MARK2: variants seen among roughly 807,000 people sequenced by gnomAD.
The protein encoded by MARK2 is microtubule affinity regulating kinase 2.
MARK2 carries 16 observed loss-of-function variants against 89.8 expected under a neutral mutation model. The observed-to-expected ratio is 0.18, with a 90% CI of 0.12 to 0.27. The LOEUF is 0.27. MARK2 is among the 10% of genes least tolerant of loss of function. The probability of loss-of-function intolerance (pLI) is 1.00; values close to 1 mark genes in which losing one functional copy is unlikely to be tolerated. For synonymous variants in MARK2, 382 were observed against 399.5 expected (o/e 0.96, Z 0.52); for missense variants, 621 against 1,049.9 (o/e 0.59, Z 5.65).
chr11:63,859,535 G>T (rs923019408), intron 1 of MARK2, among the ~76,000 whole-genome samples: 7 of 152,028 alleles, frequency 4.6e-5, no homozygotes, highest in Non-Finnish European at 7.4e-5. Context: ...TGGCCAGGCT[G>T]GTCTTGAATT....
At chr11:63,895,549 G>A (rs1565133971) in intron 2 of MARK2, 31 bp from the exon 3 acceptor site, 1 of 1,603,666 alleles carries the variant, frequency 6.2e-7, no homozygotes, top group Non-Finnish European at 8.5e-7. Context: ...GGTCAGAGAA[G>A]TGATTTGGGG....
At position 63,839,429 on chromosome 11, in the gene MARK2, C is replaced by A. The variant is rs1460222187; in HGVS notation, c.-78C>A. ...CGGGTGCTCCTGCTGTGAGAAGCCC[C>A]GCCCGGCCGGGCTCCGCGCCTTCCC... On this transcript the variant is annotated 5_prime_UTR_variant, in exon 1 of 19. Coordinates refer to ENST00000402010, the MANE Select transcript of MARK2 (RefSeq NM_001039469.3). The A allele has an allele frequency of 2.2e-6, 2 of 895,824 alleles. No homozygotes were observed. The highest frequency in any genetic ancestry group is 3.5e-6 in the Non-Finnish European group (2 of 571,416). 55.5% of individuals were successfully genotyped at this position (895,824 alleles called of 1,614,324 possible).
chr11:63,900,470 C>A lies in MARK2; in HGVS notation c.769-89C>A. 1 of 1,464,780 alleles carries A rather than the reference C, an allele frequency of 6.8e-7. No homozygotes were observed. Among genetic ancestry groups the A allele is most frequent in the Non-Finnish European group, 9.3e-7 (1 of 1,071,610 alleles). The allele number at this position is 1,464,780 out of a possible 1,614,324, so 90.7% of individuals were successfully genotyped here. On this transcript the variant is annotated intron_variant, in intron 8 of 18. Transcript: ENST00000402010. This position sits in a 1 kb window ranked among gnomAD's most constrained non-coding sequence, Gnocchi z 4.7. ...CATATTTCATTTATGTCTGCTTTGC[C>A]AGGCTTAAGCTCTCAGGATCTTGGA... is the stretch of plus-strand genomic sequence containing the variant.
chr11:63,883,106 A>G (rs1013142146), intron 1 of MARK2, among the ~76,000 whole-genome samples: 3 of 152,168 alleles, frequency 2.0e-5, no homozygotes, highest in Non-Finnish European at 4.4e-5. Flanking sequence ...TGGCAGTGTG[A>G]GCTTCCCTCA....
chr11:63,895,428 CTTG>C, intron 2 of MARK2, 90 bp downstream of exon 2: 1 of 1,478,146 alleles, frequency 6.8e-7, no homozygotes, highest in East Asian at 2.3e-5. Flanking sequence ...CAGCCAACCT[CTTG>C]TTTATCCGGC....
rs1941007945 is a variant in MARK2, at chr11:63,902,801, T to G, written c.1416+19T>G. On this transcript the variant is annotated intron_variant, in intron 13 of 18. Transcript: ENST00000402010. The surrounding 1 kb of genome is among the most constrained non-coding windows in gnomAD (Gnocchi z 4.2). Reference sequence around the variant, plus strand: ...CTCCACGGTGAGCCGCACCCCCCGCTCTCTCCTTCCTTCCTGCGGTGGGGC... The same window carrying G: ...CTCCACGGTGAGCCGCACCCCCCGCGCTCTCCTTCCTTCCTGCGGTGGGGC... 2 of 1,595,206 alleles carry G rather than the reference T, an allele frequency of 1.3e-6. No individual in the cohort carries two copies. Among genetic ancestry groups the G allele is most frequent in the Non-Finnish European group, 1.7e-6 (2 of 1,165,560 alleles).
intron 1 of MARK2, among the ~76,000 whole-genome samples, chr11:63,886,184 TGGCACG>T (rs1939388861): frequency 4.0e-5 from 6 of 151,488 alleles, no homozygotes; most frequent in Admixed American, 3.9e-4. Context: ...TGGAGTGCAG[TGGCACG>T]ATCATAGCTC....
intron 17 of MARK2, 106 bp from the exon 18 acceptor site, chr11:63,908,154 C>G (rs541896198): frequency 9.8e-7 from 1 of 1,021,964 alleles, no homozygotes; most frequent in African/African-American, 1.6e-5. Context: ...TTGGGTCCTG[C>G]CCACCCACTG....
At chr11:63,901,509 G>A (rs1434688172) in intron 11 of MARK2, among the ~76,000 whole-genome samples, 2 of 72,054 alleles carry the variant, frequency 2.8e-5, no homozygotes, top group African/African-American at 5.6e-5. Context: ...ACGGAATTTC[G>A]CTCTTGTTGC....
At position 63,902,070 on chromosome 11, in the gene MARK2, AG is replaced by A; in HGVS notation, c.1102-127del. On this transcript the variant is annotated intron_variant, in intron 11 of 18. Coordinates refer to ENST00000402010, the MANE Select transcript of MARK2 (RefSeq NM_001039469.3). The surrounding 1 kb of genome is among the most constrained non-coding windows in gnomAD (Gnocchi z 4.2). ...CCAGGGGGGATGTATTGGTCTTACA[AG>A]TGGATGTCCGGTATGATCCTGGGGT... 1 of 971,412 alleles carries A rather than the reference AG, an allele frequency of 1.0e-6. No homozygotes were observed. Among genetic ancestry groups the A allele is most frequent in the Non-Finnish European group, 1.5e-6 (1 of 655,316 alleles). The allele number at this position is 971,412 out of a possible 1,614,324, so 60.2% of individuals were successfully genotyped here.
intron 1 of MARK2, among the ~76,000 whole-genome samples, chr11:63,888,137 G>C: frequency 6.6e-6 from 1 of 152,156 alleles, no homozygotes; most frequent in Non-Finnish European, 1.5e-5. Context: ...TGTCTAAGTG[G>C]AATGTGCATG....
intron 1 of MARK2, among the ~76,000 whole-genome samples, chr11:63,862,292 T>C (rs1388117724): frequency 6.6e-6 from 1 of 152,146 alleles, no homozygotes; most frequent in Non-Finnish European, 1.5e-5. Flanking sequence ...CCCAGAAATG[T>C]TGAATAACTT....
In MARK2 at chr11:63,902,476, C is replaced by T; in HGVS notation, c.1235-125C>T. The T allele has an allele frequency of 7.3e-7, 1 of 1,373,810 alleles. No homozygotes were observed. The highest frequency in any genetic ancestry group is 1.0e-6 in the Non-Finnish European group (1 of 986,782). The allele number at this position is 1,373,810 out of a possible 1,614,324, so 85.1% of individuals were successfully genotyped here. A position where few individuals can be genotyped will look rare whatever the true frequency, so the allele number is the denominator to read the frequency against. On this transcript the variant is annotated intron_variant, in intron 12 of 18. Coordinates refer to ENST00000402010, the MANE Select transcript of MARK2 (RefSeq NM_001039469.3). This position sits in a 1 kb window ranked among gnomAD's most constrained non-coding sequence, Gnocchi z 4.2. Reference sequence around the variant, plus strand: ...TGGCTATGGGCAAGCCACTTCCCTTCCCTCGCCTCTGTGGAATGGGGGCTT... The same window carrying T: ...TGGCTATGGGCAAGCCACTTCCCTTTCCTCGCCTCTGTGGAATGGGGGCTT...
At position 63,906,087 on chromosome 11, in the gene MARK2, G is replaced by C; in HGVS notation, c.1935-1G>C. On this transcript the variant is annotated splice_acceptor_variant, in intron 16 of 18. Coordinates refer to ENST00000402010, the MANE Select transcript of MARK2 (RefSeq NM_001039469.3). LOFTEE classifies it high-confidence loss of function. ...TGTCTTTTTTTTGTTTGTTTTTTTA[G>C]AAATCTGTCTTTCAGGTTTGCCAGA... 1 of 1,340,008 alleles carries C rather than the reference G, an allele frequency of 7.5e-7. No individual in the cohort carries two copies. Among genetic ancestry groups the C allele is most frequent in the Non-Finnish European group, 9.6e-7 (1 of 1,041,700 alleles). The allele number at this position is 1,340,008 out of a possible 1,614,324, so 83.0% of individuals were successfully genotyped here.
intron 1 of MARK2, among the ~76,000 whole-genome samples, chr11:63,877,461 C>A (rs1319924154): frequency 6.6e-6 from 1 of 152,024 alleles, no homozygotes; most frequent in African/African-American, 2.4e-5. Flanking sequence ...TAAAAAGTGC[C>A]TTTTGGCCAG....
Position 63,900,756 on chromosome 11 carries a change from C to CCCCAGCTGAG in MARK2, c.889-24_889-23insCCCAGCTGAG. The stretch of plus-strand genomic sequence containing the variant: ...TCCAGCTGAGTTTCTTCCCCCTGCC[C>CCCCAGCTGAG]TTTTCCTTCTCTGTGCTCCCCAGCA... On this transcript the variant is annotated intron_variant, in intron 9 of 18. Coordinates refer to ENST00000402010, the MANE Select transcript of MARK2 (RefSeq NM_001039469.3). This position sits in a 1 kb window ranked among gnomAD's most constrained non-coding sequence, Gnocchi z 4.7. 11 of 1,613,996 alleles carry CCCCAGCTGAG rather than the reference C, an allele frequency of 6.8e-6. No individual in the cohort carries two copies. Among genetic ancestry groups the CCCCAGCTGAG allele is most frequent in the Non-Finnish European group, 9.3e-6 (11 of 1,179,832 alleles).
chr11:63,886,069 C>T (rs920749293), intron 1 of MARK2, among the ~76,000 whole-genome samples: 3 of 150,636 alleles, frequency 2.0e-5, no homozygotes, highest in Non-Finnish European at 2.9e-5. Flanking sequence ...GCAGAGGTTG[C>T]GGTGAGCCGA....
intron 1 of MARK2, among the ~76,000 whole-genome samples, chr11:63,863,548 T>C (rs1179620826): frequency 1.4e-5 from 2 of 145,898 alleles, no homozygotes; most frequent in Non-Finnish European, 3.0e-5. Context: ...CACTGCAACC[T>C]CTGCCTCCTG....
Position 63,898,752 on chromosome 11 carries a change from G to T in MARK2, c.404-11G>T. 1.2e-6 allele frequency: 2 copies of T among 1,613,852 alleles called. No homozygotes were observed. The highest frequency in any genetic ancestry group is 2.2e-5 in the East Asian group (1 of 44,892). ...CAGCTCTGACTGAGATCCCTGCCTG[G>T]TCTCTTACAGGAGAGGTATTTGATT... On this transcript the variant is annotated splice_polypyrimidine_tract_variant and intron_variant, in intron 5 of 18. Coordinates refer to ENST00000402010, the MANE Select transcript of MARK2 (RefSeq NM_001039469.3).
Sources: gnomAD v4.1 joint callset for allele counts (sites outside exome capture counted in the v4.1 genomes callset) on GRCh38, gnomAD v4.1.1 for gene constraint, Gnocchi (gnomAD v3.1) non-coding constraint, MANE v1.5 for transcripts, NCBI Gene and HGNC (gene_info 2026-07-23, HGNC 2026-07-21) for gene names.